GRID2: variants seen among roughly 807,000 people sequenced by gnomAD.
GRID2 encodes the protein glutamate receptor ionotropic, delta-2.
A neutral mutation model predicts 114.8 loss-of-function variants in GRID2; 33 were observed. The ratio of observed to expected loss-of-function variants is 0.29; its 90% CI spans 0.22 to 0.38. The LOEUF (loss-of-function observed/expected upper bound fraction) is 0.38. Among genes scored for constraint, GRID2 ranks in the 10% least tolerant of loss-of-function variants. GRID2 has a pLI of 1.00. For synonymous variants in GRID2, 505 were observed against 449.9 expected (o/e 1.12, Z -1.55); for missense variants, 1,184 against 1,257.7 (o/e 0.94, Z 0.89).
intron 1 of GRID2, among the ~76,000 whole-genome samples, chr4:92,574,261 G>A (rs1579608481): frequency 6.6e-6 from 1 of 152,098 alleles, no homozygotes; most frequent in South Asian, 2.1e-4. Context: ...GCCATTCTTT[G>A]TCTTTTAAAT....
At chr4:93,371,098 A>G (rs1762859569) in intron 8 of GRID2, among the ~76,000 whole-genome samples, 3 of 152,220 alleles carry the variant, frequency 2.0e-5, no homozygotes, top group African/African-American at 7.2e-5. Flanking sequence ...CACTGTAGGC[A>G]CTGCACAAAG....
chr4:93,278,381 G>A (rs2149581291), intron 8 of GRID2, among the ~76,000 whole-genome samples: 1 of 152,040 alleles, frequency 6.6e-6, no homozygotes, highest in East Asian at 1.9e-4. Flanking sequence ...AGTGGTATGG[G>A]TTTGAGAGAT....
intron 2 of GRID2, among the ~76,000 whole-genome samples, chr4:92,729,515 A>T (rs1388476985): frequency 2.0e-5 from 3 of 152,054 alleles, no homozygotes; most frequent in Admixed American, 6.6e-5. Context: ...TGGGATAAGA[A>T]GCATGTTTTG....
intron 13 of GRID2, among the ~76,000 whole-genome samples, chr4:93,517,296 A>G (rs528844265): frequency 6.6e-6 from 1 of 152,212 alleles, no homozygotes; most frequent in South Asian, 2.1e-4. Context: ...AAGTTGTGAC[A>G]TAATAAAAAG....
intron 2 of GRID2, among the ~76,000 whole-genome samples, chr4:92,687,238 TTTC>T (rs1348655493): frequency 6.6e-6 from 1 of 151,936 alleles, no homozygotes; most frequent in African/African-American, 2.4e-5. Flanking sequence ...CTTCTAGTCA[TTTC>T]TTGTGCAAAC....
chr4:93,302,541 C>A, intron 8 of GRID2: 1 of 454,960 alleles, frequency 2.2e-6, no homozygotes, highest in Non-Finnish European at 4.4e-6. Flanking sequence ...TTGTGTAATA[C>A]ACATACATAT....
At chr4:93,449,776 A>G (rs1270904579) in intron 10 of GRID2, among the ~76,000 whole-genome samples, 2 of 152,062 alleles carry the variant, frequency 1.3e-5, no homozygotes, top group Admixed American at 6.6e-5. Flanking sequence ...TGTTTCATCA[A>G]TACTTTACTA....
chr4:93,658,743 C>A (rs962299546), intron 14 of GRID2, among the ~76,000 whole-genome samples: 13 of 152,244 alleles, frequency 8.5e-5, no homozygotes, highest in Admixed American at 3.9e-4. Flanking sequence ...GGATGCTTGG[C>A]TGAATAGTTT....
intron 1 of GRID2, among the ~76,000 whole-genome samples, chr4:93,800,166 G>T (rs368273672): frequency 2.0e-5 from 3 of 152,294 alleles, no homozygotes; most frequent in African/African-American, 7.2e-5. Flanking sequence ...GGTAACCATA[G>T]CAAGGGAAGT....
chr4:92,951,335 TTA>T (rs1472335361), intron 2 of GRID2, among the ~76,000 whole-genome samples: 9 of 140,102 alleles, frequency 6.4e-5, no homozygotes, highest in African/African-American at 2.1e-4. Flanking sequence ...GCAAAATTTT[TTA>T]TTTATTTATT....
chr4:92,852,542 T>A (rs1186641824), intron 2 of GRID2, among the ~76,000 whole-genome samples: 1 of 151,984 alleles, frequency 6.6e-6, no homozygotes, highest in Non-Finnish European at 1.5e-5. Flanking sequence ...CTTTCACCCA[T>A]TTCTGCTTCA....
chr4:92,342,946 T>C (rs1210839905), intron 1 of GRID2, among the ~76,000 whole-genome samples: 1 of 152,112 alleles, frequency 6.6e-6, no homozygotes, highest in African/African-American at 2.4e-5. Context: ...GAATGGGCAA[T>C]TGTGGCATAG....
Position 93,216,740 on chromosome 4 carries a change from A to G in GRID2, c.792A>G (p.Glu264=), listed in dbSNP as rs570537108. ...FDCHWIIINE[E]INDVDVQELV... The stretch of plus-strand genomic sequence containing the variant: ...TTCTTCCACCTCTTATCTTATAGGA[A>G]ATAAACGATGTGGACGTACAGGAAC... The change falls in exon 6 of 16, where the codon GAA becomes GAG. Residue 264 remains glutamate, a splice_region_variant and synonymous_variant. Transcript: ENST00000282020. 18 of 1,602,256 alleles carry G rather than the reference A, an allele frequency of 1.1e-5. No homozygotes were observed. The Admixed American group carries it at 2.8e-4, about 25-fold the overall frequency.
chr4:93,448,892 CCCTTCCCCTTCCCTT>C (rs1432064247), intron 10 of GRID2, among the ~76,000 whole-genome samples: 594 of 21,764 alleles, frequency 0.027, 145 homozygotes, highest in South Asian at 0.088. Flanking sequence ...CCCTTCCCTT[CCCTTCCCCTTCCCTT>C]CCCTTCCCTT....
chr4:92,755,939 G>C (rs749747282), intron 2 of GRID2, among the ~76,000 whole-genome samples: 2 of 152,144 alleles, frequency 1.3e-5, no homozygotes, highest in Non-Finnish European at 2.9e-5. Flanking sequence ...ATCACCATGA[G>C]CATTTATCTT....
chr4:93,269,684 T>C (rs1417952455), intron 8 of GRID2, among the ~76,000 whole-genome samples: 1 of 152,178 alleles, frequency 6.6e-6, no homozygotes, highest in Non-Finnish European at 1.5e-5. Context: ...GGAAAAGTAA[T>C]TGGGAGATTT....
chr4:93,632,398 G>C (rs1299794069), intron 14 of GRID2, among the ~76,000 whole-genome samples: 1 of 152,190 alleles, frequency 6.6e-6, no homozygotes, highest in Admixed American at 6.5e-5. Context: ...TTTGTATAAG[G>C]TGTAAGGAAG....
At chr4:92,676,667 A>C (rs1324243637) in intron 2 of GRID2, among the ~76,000 whole-genome samples, 1 of 152,028 alleles carries the variant, frequency 6.6e-6, no homozygotes, top group Non-Finnish European at 1.5e-5. Flanking sequence ...TTTTTCACAA[A>C]ATTTTCATTA....
chr4:92,352,102 T>G (rs570154057), intron 1 of GRID2, among the ~76,000 whole-genome samples: 1 of 151,938 alleles, frequency 6.6e-6, no homozygotes, highest in South Asian at 2.1e-4. Flanking sequence ...CTGGGTGTAC[T>G]AATTCCCATC....
Sources: allele counts gnomAD v4.1 joint callset (sites outside exome capture counted in the v4.1 genomes callset), GRCh38; gene constraint gnomAD v4.1.1; transcripts MANE v1.5; gene names NCBI Gene and HGNC (gene_info 2026-07-23, HGNC 2026-07-21).